TMEM272: variants seen among roughly 807,000 people sequenced by gnomAD.
TMEM272 encodes transmembrane protein 272.
A neutral mutation model predicts 3.7 loss-of-function variants in TMEM272; 8 were observed. The observed-to-expected ratio is 2.17, with a 90% CI of 1.27 to 3.91. The LOEUF is 3.91. TMEM272 is among the 30% of genes most tolerant of loss of function. The probability of loss-of-function intolerance (pLI) is 0.00; values close to 1 mark genes in which losing one functional copy is unlikely to be tolerated. For missense variants in TMEM272, 166 were observed against 91.5 expected, an observed-to-expected ratio of 1.81 and a Z score of -3.32; for synonymous variants, 63 against 39.8, an observed-to-expected ratio of 1.58 and a Z score of -2.20.
In TMEM272 at chr13:51,818,199, G is replaced by A. The variant is rs1015515052; in HGVS notation, c.202-1086C>T. Among the ~76,000 whole-genome samples, 7 of 152,248 alleles carry A rather than the reference G, an allele frequency of 4.6e-5. No individual in the cohort carries two copies. The South Asian group carries it at 6.2e-4, about 14-fold the overall frequency. ...GAGGATGTGGCCGACTGGCAGAGGCGGGGAGAGATGCTGAGCTTGAGTGAA... is the reference window on the plus strand; with the variant it reads ...GAGGATGTGGCCGACTGGCAGAGGCAGGGAGAGATGCTGAGCTTGAGTGAA... On this transcript the variant is annotated intron_variant, in intron 4 of 4. Coordinates refer to ENST00000629372, the MANE Select transcript of TMEM272 (RefSeq NM_001351003.2).
the TMEM272 span, among the ~76,000 whole-genome samples, chr13:51,888,935 C>A: frequency 6.6e-6 from 1 of 152,178 alleles, no homozygotes; most frequent in South Asian, 2.1e-4. Flanking sequence ...ATGAGCCACT[C>A]TGCCCGGCCA....
chr13:51,885,257 C>T, the TMEM272 span, among the ~76,000 whole-genome samples: 30 of 152,212 alleles, frequency 2.0e-4, no homozygotes, highest in South Asian at 8.3e-4. Flanking sequence ...TGTATTAATC[C>T]GTTCTCACAA....
At chr13:51,911,777 C>T in the TMEM272 span, among the ~76,000 whole-genome samples, 2 of 152,176 alleles carry the variant, frequency 1.3e-5, no homozygotes, top group Admixed American at 6.5e-5. Context: ...CACTCCCTTG[C>T]CCACAGCCTC....
chr13:51,829,295 T>C (rs78045982), intron 2 of TMEM272, among the ~76,000 whole-genome samples: 1,749 of 152,226 alleles, frequency 0.011, 42 homozygotes, highest in African/African-American at 0.04. Flanking sequence ...AAAAATGATA[T>C]TAAACAGCAA....
the TMEM272 span, chr13:51,933,871 A>C: frequency 1.3e-5 from 2 of 152,308 alleles, no homozygotes; most frequent in Non-Finnish European, 2.9e-5. Context: ...GGGATATGGA[A>C]GGACGTCCTG....
intron 1 of TMEM272, among the ~76,000 whole-genome samples, chr13:51,844,761 A>G (rs1369079791): frequency 6.6e-6 from 1 of 152,172 alleles, no homozygotes; most frequent in Non-Finnish European, 1.5e-5. Flanking sequence ...AGAGTCCCAC[A>G]CAACTTGCCT....
chr13:51,893,129 G>C, the TMEM272 span, among the ~76,000 whole-genome samples: 1 of 152,202 alleles, frequency 6.6e-6, no homozygotes, highest in Non-Finnish European at 1.5e-5. Context: ...TCCCTGGCAA[G>C]GACTTTGTAC....
chr13:51,905,786 G>A, the TMEM272 span, among the ~76,000 whole-genome samples: 1 of 152,258 alleles, frequency 6.6e-6, no homozygotes, highest in African/African-American at 2.4e-5. Context: ...ATTAGCCTCG[G>A]TTAATGTCAG....
At chr13:51,889,634 G>T in the TMEM272 span, among the ~76,000 whole-genome samples, 13 of 147,740 alleles carry the variant, frequency 8.8e-5, no homozygotes, top group African/African-American at 2.8e-4. Flanking sequence ...TTGTGTGTGT[G>T]TGGGGGGGTT....
At chr13:51,870,046 G>C in the TMEM272 span, among the ~76,000 whole-genome samples, 1 of 152,182 alleles carries the variant, frequency 6.6e-6, no homozygotes, top group Non-Finnish European at 1.5e-5. Flanking sequence ...GTTTAAAGCT[G>C]CTGCTTCTTA....
chr13:51,828,886 T>C (rs1566343172), intron 2 of TMEM272, among the ~76,000 whole-genome samples: 1 of 152,222 alleles, frequency 6.6e-6, no homozygotes, highest in Non-Finnish European at 1.5e-5. Context: ...TTTACTTCCA[T>C]TTGAACCAGA....
At chr13:51,923,018 G>A in the TMEM272 span, among the ~76,000 whole-genome samples, 2 of 152,234 alleles carry the variant, frequency 1.3e-5, no homozygotes, top group Non-Finnish European at 2.9e-5. Context: ...GGATGAGGAT[G>A]TCTTGGGGGC....
the TMEM272 span, among the ~76,000 whole-genome samples, chr13:51,871,304 C>T: frequency 3.3e-5 from 5 of 151,952 alleles, no homozygotes; most frequent in East Asian, 9.7e-4. Context: ...CATTCTCCTG[C>T]CTCAGCCTCC....
chr13:51,842,299 CATT>C (rs71794660), intron 1 of TMEM272, among the ~76,000 whole-genome samples: 1,949 of 152,234 alleles, frequency 0.013, 44 homozygotes, highest in African/African-American at 0.045. Context: ...CAGGTTTTAC[CATT>C]ATAATTTTAA....
the TMEM272 span, among the ~76,000 whole-genome samples, chr13:51,926,235 C>T: frequency 6.6e-6 from 1 of 152,116 alleles, no homozygotes; most frequent in African/African-American, 2.4e-5. Context: ...TCCTTCCAGG[C>T]TCAGCATGGG....
At chr13:51,864,594 C>A in the TMEM272 span, among the ~76,000 whole-genome samples, 2 of 152,170 alleles carry the variant, frequency 1.3e-5, no homozygotes, top group South Asian at 4.1e-4. Flanking sequence ...TTTTATTCCA[C>A]TCTATTGGGA....
At chr13:51,883,189 G>A in the TMEM272 span, among the ~76,000 whole-genome samples, 2 of 152,220 alleles carry the variant, frequency 1.3e-5, no homozygotes, top group Non-Finnish European at 1.5e-5. Flanking sequence ...CCAGCCAGGA[G>A]GGAACGGTGC....
the TMEM272 span, among the ~76,000 whole-genome samples, chr13:51,894,176 G>GGGAT: frequency 6.6e-6 from 1 of 152,202 alleles, no homozygotes; most frequent in African/African-American, 2.4e-5. Context: ...AGGAGGGAGT[G>GGGAT]GGATGTATTG....
intron 2 of TMEM272, among the ~76,000 whole-genome samples, chr13:51,837,319 T>C (rs1433642248): frequency 1.3e-5 from 2 of 152,174 alleles, no homozygotes; most frequent in African/African-American, 4.8e-5. Flanking sequence ...TTCCCGAAGA[T>C]GTAGAGCAAC....
Sources: gnomAD v4.1 joint callset for allele counts (sites outside exome capture counted in the v4.1 genomes callset) on GRCh38, gnomAD v4.1.1 for gene constraint, MANE v1.5 for transcripts, NCBI Gene and HGNC (gene_info 2026-07-23, HGNC 2026-07-21) for gene names.